CBX2: variants seen among roughly 807,000 people sequenced by gnomAD.
The protein encoded by CBX2 is chromobox 2.
A neutral mutation model predicts 21.0 loss-of-function variants in CBX2; 11 were observed. The ratio of observed to expected loss-of-function variants is 0.52; its 90% CI spans 0.33 to 0.87. The LOEUF is 0.87. CBX2 is among the 40% of genes least tolerant of loss of function. CBX2 has a pLI of 0.02. For missense variants in CBX2, 746 were observed against 724.3 expected (o/e 1.03, Z -0.34); for synonymous variants, 364 against 304.6 (o/e 1.19, Z -2.03).
chr17:79,777,917 GC>G (rs1206474425), upstream of CBX2, among the ~76,000 whole-genome samples: 3 of 142,786 alleles, frequency 2.1e-5, no homozygotes, highest in African/African-American at 7.9e-5. Flanking sequence ...GCCCGCCCGC[GC>G]CCCCACCCCC....
At chr17:79,779,752 C>G (rs1907031463) in intron 3 of CBX2, 1 of 379,646 alleles carries the variant, frequency 2.6e-6, no homozygotes, top group South Asian at 2.5e-5. Context: ...TTGGCCTTTT[C>G]TGCTGAGTAA....
intron 4 of CBX2, chr17:79,782,366 C>T (rs765677932): frequency 8.3e-6 from 12 of 1,438,402 alleles, no homozygotes; most frequent in South Asian, 2.8e-5. Flanking sequence ...CACCCCTCCT[C>T]GCTACAGTGA....
In CBX2 at chr17:79,784,779, C is replaced by T; in HGVS notation, c.1336C>T (p.Pro446Ser). The change falls in exon 5 of 5, where the codon CCC becomes TCC. Residue 446 changes from proline to serine, a missense_variant. Physicochemically the swap from Pro to Ser is moderately conservative, Grantham distance 74. Coordinates refer to ENST00000310942, the MANE Select transcript of CBX2 (RefSeq NM_005189.3). The surrounding 1 kb of genome is among the most constrained non-coding windows in gnomAD (Gnocchi z 5.9). Reference protein sequence around the residue: ...TPSGQESRTAPGEARKAATLP... With the variant: ...TPSGQESRTASGEARKAATLP... ...CAGTGGGCAGGAGAGCCGCACAGCC[C>T]CCGGAGAAGCCCGCAAGGCGGCCAC... 6.2e-7 allele frequency: 1 copy of T among 1,610,314 alleles called. No individual in the cohort carries two copies. The highest frequency in any genetic ancestry group is 8.5e-7 in the Non-Finnish European group (1 of 1,178,768).
rs1555832440 is a variant in CBX2, at chr17:79,787,946, T to C, written c.*2904T>C. 1 of 151,882 alleles carries C rather than the reference T, an allele frequency of 6.6e-6. No individual in the cohort carries two copies. 9.4% of individuals were successfully genotyped at this position (151,882 alleles called of 1,614,324 possible). A position where few individuals can be genotyped will look rare whatever the true frequency, so the allele number is the denominator to read the frequency against. ...AATCACTGGCTTGATTTGTGTTTTT[T>C]AATTAAAAAAAAAATCATTCATGTA... On this transcript the variant is annotated 3_prime_UTR_variant, in exon 5 of 5. Coordinates refer to ENST00000310942, the MANE Select transcript of CBX2 (RefSeq NM_005189.3).
At chr17:79,780,656 C>G (rs1907109076) in intron 3 of CBX2, among the ~76,000 whole-genome samples, 1 of 151,902 alleles carries the variant, frequency 6.6e-6, no homozygotes, top group African/African-American at 2.4e-5. Flanking sequence ...AGAAAGAAAA[C>G]AGAGAAGGTG....
At position 79,787,186 on chromosome 17, in the gene CBX2, C is replaced by T. The variant is rs1907696061; in HGVS notation, c.*2144C>T. The T allele has an allele frequency of 1.3e-5, 2 of 152,404 alleles. No homozygotes were observed. The highest frequency in any genetic ancestry group is 1.5e-5 in the Non-Finnish European group (1 of 68,092). The allele number at this position is 152,404 out of a possible 1,614,324, so 9.4% of individuals were successfully genotyped here. ...CTCGACAGCAAAGTCTTGACTCCTTCCTGCTGAGCACTGTGCTACCTTCAC... is the reference window on the plus strand; with the variant it reads ...CTCGACAGCAAAGTCTTGACTCCTTTCTGCTGAGCACTGTGCTACCTTCAC... On this transcript the variant is annotated 3_prime_UTR_variant, in exon 5 of 5. Transcript: ENST00000310942.
chr17:79,781,625 C>A, intron 3 of CBX2, 71 bp from the exon 4 acceptor site: 13 of 1,313,784 alleles, frequency 9.9e-6, no homozygotes, highest in Non-Finnish European at 1.4e-5. Flanking sequence ...GTGCTGGAAG[C>A]CATAGAGTCC....
At position 79,785,071 on chromosome 17, in the gene CBX2, T is replaced by G; in HGVS notation, c.*29T>G. On this transcript the variant is annotated 3_prime_UTR_variant, in exon 5 of 5. Transcript: ENST00000310942. Reference sequence around the variant, plus strand: ...CCCGGCGCCACCAGCTGCGCGGTCTTACTCCCCTTCCCTGCCTATGGTGTC... The same window carrying G: ...CCCGGCGCCACCAGCTGCGCGGTCTGACTCCCCTTCCCTGCCTATGGTGTC... 6.4e-7 allele frequency: 1 copy of G among 1,566,026 alleles called. No homozygotes were observed. Among genetic ancestry groups the G allele is most frequent in the Non-Finnish European group, 8.7e-7 (1 of 1,149,990 alleles).
At chr17:79,782,318 G>C in intron 4 of CBX2, 5 of 1,500,444 alleles carry the variant, frequency 3.3e-6, no homozygotes, top group Non-Finnish European at 3.5e-6. Flanking sequence ...GGCAGTGTGG[G>C]CTGATGATGT....
intron 3 of CBX2, among the ~76,000 whole-genome samples, chr17:79,781,064 G>A (rs531962540): frequency 2.1e-5 from 3 of 144,768 alleles, no homozygotes; most frequent in East Asian, 1.9e-4. Flanking sequence ...CTGGGGGCGG[G>A]GGGGGTACTG....
At chr17:79,781,897 G>A (rs142806934) in intron 4 of CBX2, 96 bp downstream of exon 4, 1 of 1,614,058 alleles carries the variant, frequency 6.2e-7, no homozygotes, top group African/African-American at 1.3e-5. Context: ...CAGGAAGGGG[G>A]TGGCACTTCT....
intron 4 of CBX2, chr17:79,782,107 G>A (rs781951218): frequency 9.9e-6 from 16 of 1,613,330 alleles, no homozygotes; most frequent in African/African-American, 1.3e-5. Flanking sequence ...CTCCCAGGGG[G>A]TCCTTGGGGG....
At position 79,784,914 on chromosome 17, in the gene CBX2, C is replaced by T; in HGVS notation, c.1471C>T (p.Gln491Ter). The change falls in exon 5 of 5, where the codon CAG (glutamine) becomes TAG (stop). Residue 491 changes from glutamine (Q) to a stop codon, truncating the protein, a stop_gained. Coordinates refer to ENST00000310942, the MANE Select transcript of CBX2 (RefSeq NM_005189.3). LOFTEE classifies it high-confidence loss of function. This position sits in a 1 kb window ranked among gnomAD's most constrained non-coding sequence, Gnocchi z 5.9. ...CCCGTCAGTGTCCGTTCAGACCAGC[C>T]AGGACTGGAAGCCCACCCGCAGCCT... ...QNPSVSVQTS[Q>*]DWKPTRSLIE... The T allele has an allele frequency of 6.2e-7, 1 of 1,613,490 alleles. No individual in the cohort carries two copies. The highest frequency in any genetic ancestry group is 8.5e-7 in the Non-Finnish European group (1 of 1,180,048).
At position 79,784,840 on chromosome 17, in the gene CBX2, G is replaced by T. The variant is rs1555831402; in HGVS notation, c.1397G>T (p.Ser466Ile). 1 of 1,612,532 alleles carries T rather than the reference G, an allele frequency of 6.2e-7. No individual in the cohort carries two copies. Residue 466 changes from serine (S) to isoleucine (I), a missense_variant, in exon 5 of 5, where the codon AGC becomes ATC. Ser to Ile is a moderately radical substitution (Grantham distance 142). This residue lies in a region of CBX2 where 701 missense variants were observed against 650.7 expected (regional missense o/e 1.08). Coordinates refer to ENST00000310942, the MANE Select transcript of CBX2 (RefSeq NM_005189.3). The surrounding 1 kb of genome is among the most constrained non-coding windows in gnomAD (Gnocchi z 5.9). ...PEMSAGEESS[S>I]SDSDPDSASP... is the part of the protein sequence containing the mutation. ...ATGAGCGCAGGTGAGGAGAGTAGCA[G>T]CTCGGACTCCGACCCCGACTCCGCC...
rs1384259411 is a variant in CBX2 at position 79,786,591 on chromosome 17, T to G, written c.*1549T>G. On this transcript the variant is annotated 3_prime_UTR_variant, in exon 5 of 5. Coordinates refer to ENST00000310942, the MANE Select transcript of CBX2 (RefSeq NM_005189.3). Reference sequence around the variant, plus strand: ...GCAGCAAGGCAGGGCAGCCCAGAGGTGGCAGCGGCAGGCAATCTGGTCACT... The same window carrying G: ...GCAGCAAGGCAGGGCAGCCCAGAGGGGGCAGCGGCAGGCAATCTGGTCACT... 2 of 152,782 alleles carry G rather than the reference T, an allele frequency of 1.3e-5. No homozygotes were observed. The highest frequency in any genetic ancestry group is 2.9e-5 in the Non-Finnish European group (2 of 68,190). The allele number at this position is 152,782 out of a possible 1,614,324, so 9.5% of individuals were successfully genotyped here. A position where few individuals can be genotyped will look rare whatever the true frequency, so the allele number is the denominator to read the frequency against.
intron 3 of CBX2, among the ~76,000 whole-genome samples, chr17:79,780,892 C>T (rs1907133007): frequency 6.6e-6 from 1 of 152,140 alleles, no homozygotes; most frequent in Non-Finnish European, 1.5e-5. Context: ...ATGAACTTTG[C>T]CTGGTACTAA....
intron 4 of CBX2, among the ~76,000 whole-genome samples, chr17:79,783,310 C>G (rs782593988): frequency 3.3e-5 from 5 of 152,164 alleles, no homozygotes; most frequent in Non-Finnish European, 7.3e-5. Flanking sequence ...CTGGAAGCCA[C>G]AGGAGTTGAT....
In CBX2 at chr17:79,784,419, G is replaced by A. The variant is rs782165469; in HGVS notation, c.976G>A (p.Gly326Ser). Reference protein sequence around the residue: ...AVEQKVGNTGGPPHTHGASRV... With the variant: ...AVEQKVGNTGSPPHTHGASRV... Reference sequence around the variant, plus strand: ...GGAGCAGAAAGTGGGGAACACAGGGGGCCCCCCGCACACCCATGGTGCCAG... The same window carrying A: ...GGAGCAGAAAGTGGGGAACACAGGGAGCCCCCCGCACACCCATGGTGCCAG... Residue 326 changes from glycine (G) to serine (S), a missense_variant, in exon 5 of 5, where the codon GGC (glycine) becomes AGC (serine). By Grantham distance (56) the Gly-to-Ser change is moderately conservative. Coordinates refer to ENST00000310942, the MANE Select transcript of CBX2 (RefSeq NM_005189.3). The surrounding 1 kb of genome is among the most constrained non-coding windows in gnomAD (Gnocchi z 5.9). 1.2e-6 allele frequency: 2 copies of A among 1,612,000 alleles called. No homozygotes were observed. Among genetic ancestry groups the A allele is most frequent in the Middle Eastern group, 1.7e-4 (1 of 6,030 alleles).
At chr17:79,777,628 C>T (rs1906813002), upstream of CBX2, among the ~76,000 whole-genome samples, 1 of 152,026 alleles carries the variant, frequency 6.6e-6, no homozygotes, top group South Asian at 2.1e-4. Flanking sequence ...GTTTTGCTCT[C>T]GTCCAAAACA....
Sources: gnomAD v4.1 joint callset for allele counts (sites outside exome capture counted in the v4.1 genomes callset) on GRCh38, gnomAD v4.1.1 for gene constraint, gnomAD v4.1.1 regional missense constraint, Gnocchi (gnomAD v3.1) non-coding constraint, MANE v1.5 for transcripts, NCBI Gene and HGNC (gene_info 2026-07-23, HGNC 2026-07-21) for gene names.